NCAM2: variants seen among roughly 807,000 people sequenced by gnomAD.
The protein encoded by NCAM2 is N-CAM-2.
A neutral mutation model predicts 98.1 loss-of-function variants in NCAM2; 30 were observed. That is an observed-to-expected ratio of 0.31 (90% CI 0.23 to 0.41). The LOEUF (loss-of-function observed/expected upper bound fraction) is 0.41. Ranked by LOEUF, NCAM2 falls within the 10% of genes least tolerant of loss-of-function variation. The pLI is 1.00. For missense variants in NCAM2, 867 were observed against 1,005.8 expected, an observed-to-expected ratio of 0.86 and a Z score of 1.87; for synonymous variants, 368 against 342.4, an observed-to-expected ratio of 1.07 and a Z score of -0.83.
At chr21:21,383,968 G>A (rs544338520) in intron 9 of NCAM2, among the ~76,000 whole-genome samples, 1 of 152,006 alleles carries the variant, frequency 6.6e-6, no homozygotes, top group Admixed American at 6.6e-5. Context: ...CCTTTGGACA[G>A]TCAATTTTGT....
intron 1 of NCAM2, among the ~76,000 whole-genome samples, chr21:21,090,050 A>G (rs531675110): frequency 6.6e-6 from 1 of 152,236 alleles, no homozygotes; most frequent in South Asian, 2.1e-4. Flanking sequence ...ACGACTTTCT[A>G]CTCAAAGCAT....
intron 1 of NCAM2, among the ~76,000 whole-genome samples, chr21:21,022,446 C>T (rs1257193859): frequency 6.6e-6 from 1 of 151,948 alleles, no homozygotes; most frequent in African/African-American, 2.4e-5. Context: ...TTAATTTTTG[C>T]ATGGCTTTAA....
At chr21:21,262,540 C>T (rs1052767845) in intron 1 of NCAM2, among the ~76,000 whole-genome samples, 7 of 150,300 alleles carry the variant, frequency 4.7e-5, no homozygotes, top group Admixed American at 4.0e-4. Context: ...TGGCCGACAT[C>T]ATACTGAATG....
chr21:21,219,278 G>A (rs2070036789), intron 1 of NCAM2, among the ~76,000 whole-genome samples: 1 of 152,102 alleles, frequency 6.6e-6, no homozygotes, highest in South Asian at 2.1e-4. Flanking sequence ...CCCTGGACTT[G>A]AAAGCCACCA....
At chr21:21,238,310 A>T (rs1188032157) in intron 1 of NCAM2, among the ~76,000 whole-genome samples, 1 of 152,312 alleles carries the variant, frequency 6.6e-6, no homozygotes, top group East Asian at 1.9e-4. Flanking sequence ...TAGAACAAAA[A>T]TAAAAAGCTA....
At chr21:21,507,567 G>A (rs578049609) in intron 15 of NCAM2, among the ~76,000 whole-genome samples, 1 of 152,160 alleles carries the variant, frequency 6.6e-6, no homozygotes, top group African/African-American at 2.4e-5. Flanking sequence ...GCCAAGGCGG[G>A]CGGATCACGA....
At chr21:21,081,914 T>TTCTA (rs1436755863) in intron 1 of NCAM2, among the ~76,000 whole-genome samples, 1 of 151,800 alleles carries the variant, frequency 6.6e-6, no homozygotes, top group Non-Finnish European at 1.5e-5. Context: ...GCTCTACGCA[T>TTCTA]TCAATAATTG....
intron 1 of NCAM2, among the ~76,000 whole-genome samples, chr21:21,051,170 G>A (rs2065101059): frequency 6.6e-6 from 1 of 152,088 alleles, no homozygotes. Flanking sequence ...TCCTTTTTAT[G>A]GTTTTTTTCA....
chr21:21,137,256 G>T (rs184376558), intron 1 of NCAM2, among the ~76,000 whole-genome samples: 38 of 152,218 alleles, frequency 2.5e-4, no homozygotes, highest in African/African-American at 8.9e-4. Context: ...ACTAAAATAT[G>T]ACTGCTTATG....
At chr21:21,210,149 A>G (rs966447934) in intron 1 of NCAM2, among the ~76,000 whole-genome samples, 2 of 152,336 alleles carry the variant, frequency 1.3e-5, no homozygotes, top group East Asian at 3.9e-4. Flanking sequence ...GTTTTCTGTT[A>G]TCTCTAATCA....
chr21:21,287,954 A>G (rs774295506), intron 4 of NCAM2, among the ~76,000 whole-genome samples: 1 of 151,932 alleles, frequency 6.6e-6, no homozygotes, highest in Non-Finnish European at 1.5e-5. Context: ...ATGAGACTTT[A>G]GACATAAAGT....
intron 5 of NCAM2, among the ~76,000 whole-genome samples, chr21:21,319,478 T>A (rs185545822): frequency 4.6e-5 from 7 of 152,136 alleles, no homozygotes; most frequent in African/African-American, 1.7e-4. Flanking sequence ...CCATCTCTAC[T>A]AAAAACACAA....
intron 16 of NCAM2, among the ~76,000 whole-genome samples, chr21:21,533,487 T>C (rs1602578487): frequency 6.6e-6 from 1 of 152,090 alleles, no homozygotes; most frequent in East Asian, 1.9e-4. Flanking sequence ...ATTTTCAGTT[T>C]TACCGATGGA....
intron 1 of NCAM2, among the ~76,000 whole-genome samples, chr21:21,134,804 C>G (rs936098954): frequency 6.6e-6 from 1 of 151,350 alleles, no homozygotes; most frequent in African/African-American, 2.4e-5. Context: ...GTCTCAAGCT[C>G]CTGGGCTCAA....
chr21:21,255,145 T>C (rs11088856), intron 1 of NCAM2, among the ~76,000 whole-genome samples: 150,946 of 152,244 alleles, frequency 0.99, 74,846 homozygotes, highest in East Asian at 1. Context: ...TTTTTGAAGG[T>C]TGGGATCGTA....
At chr21:21,042,196 T>G (rs2064919740) in intron 1 of NCAM2, among the ~76,000 whole-genome samples, 1 of 151,884 alleles carries the variant, frequency 6.6e-6, no homozygotes, top group Non-Finnish European at 1.5e-5. Context: ...CTGGGGTGAG[T>G]GAGGGTTTCT....
intron 1 of NCAM2, chr21:21,147,136 C>T (rs766182492): frequency 2.7e-5 from 27 of 985,324 alleles, no homozygotes; most frequent in Non-Finnish European, 2.9e-5. Flanking sequence ...CACTAGTGGA[C>T]TTCCTGAAAT....
At chr21:21,464,810 A>G (rs1373290550) in intron 12 of NCAM2, among the ~76,000 whole-genome samples, 2 of 152,098 alleles carry the variant, frequency 1.3e-5, no homozygotes, top group Non-Finnish European at 2.9e-5. Context: ...ACCATTAACT[A>G]CCAGTTATCA....
intron 3 of NCAM2, among the ~76,000 whole-genome samples, chr21:21,285,351 C>T (rs2826764): frequency 0.43 from 65,133 of 151,528 alleles, 15,148 homozygotes; most frequent in Non-Finnish European, 0.53. Flanking sequence ...GTAGGACTTC[C>T]TGTTTGATGA....
Sources: allele counts gnomAD v4.1 joint callset (sites outside exome capture counted in the v4.1 genomes callset), GRCh38; gene constraint gnomAD v4.1.1; transcripts MANE v1.5; gene names NCBI Gene and HGNC (gene_info 2026-07-23, HGNC 2026-07-21).